The following VPS13D variants were observed in gnomAD, a reference collection of about 807,000 sequenced individuals.
The protein encoded by VPS13D is vacuolar protein sorting 13 homolog D.
VPS13D carries 187 observed loss-of-function variants against 461.9 expected under a neutral mutation model. The ratio of observed to expected loss-of-function variants is 0.40; its 90% CI spans 0.36 to 0.46. VPS13D has a LOEUF of 0.46. Ranked by LOEUF, VPS13D falls within the 20% of genes least tolerant of loss-of-function variation. The pLI is 0.60. For synonymous variants in VPS13D, 1,951 were observed against 1,986.3 expected, an observed-to-expected ratio of 0.98 and a Z score of 0.47; for missense variants, 4,711 against 5,364.9, an observed-to-expected ratio of 0.88 and a Z score of 3.81.
In VPS13D at chr1:12,277,573, C is replaced by T. The variant is rs1641651894; in HGVS notation, c.3985C>T (p.Leu1329=). 1 of 1,613,984 alleles carries T rather than the reference C, an allele frequency of 6.2e-7. No homozygotes were observed. The highest frequency in any genetic ancestry group is 8.5e-7 in the Non-Finnish European group (1 of 1,180,022). ...CGCAGCCACCAAAGTCACCACAGTA[C>T]TAGCTACCAAGACTGCCGAGTATAG... The part of the protein sequence containing the change: ...KSAATKVTTV[L]ATKTAEYSEM... The change falls in exon 19 of 70, where the codon CTA becomes TTA. Residue 1329 remains leucine (L), a synonymous_variant. Coordinates refer to ENST00000620676, the MANE Select transcript of VPS13D (RefSeq NM_015378.4).
intron 2 of VPS13D, among the ~76,000 whole-genome samples, chr1:12,236,093 T>C (rs1640138549): frequency 1.3e-5 from 2 of 152,250 alleles, no homozygotes; most frequent in African/African-American, 4.8e-5. Context: ...TTTTCTGCCC[T>C]TATTTCCTTT....
intron 65 of VPS13D, among the ~76,000 whole-genome samples, chr1:12,435,380 GAGCCT>G (rs1645046665): frequency 6.6e-6 from 1 of 152,098 alleles, no homozygotes; most frequent in South Asian, 2.1e-4. Flanking sequence ...AGGATCATCC[GAGCCT>G]AGGAAGTTGA....
intron 60 of VPS13D, among the ~76,000 whole-genome samples, chr1:12,394,327 T>G (rs1644467544): frequency 6.6e-6 from 1 of 152,176 alleles, no homozygotes; most frequent in African/African-American, 2.4e-5. Context: ...CCTATTAATT[T>G]CGCTTCTAGG....
intron 6 of VPS13D, among the ~76,000 whole-genome samples, chr1:12,251,129 C>T (rs1319863892): frequency 8.0e-5 from 12 of 149,484 alleles, no homozygotes; most frequent in Non-Finnish European, 5.9e-5. Flanking sequence ...GTGTTGTCCA[C>T]GGTGGAGTAG....
chr1:12,263,064 A>T (rs1353602852), intron 13 of VPS13D, among the ~76,000 whole-genome samples: 1 of 152,078 alleles, frequency 6.6e-6, no homozygotes, highest in Non-Finnish European at 1.5e-5. Flanking sequence ...GTCAAGGAGC[A>T]TTGTGTTATT....
chr1:12,344,194 T>A (rs1340828186), intron 42 of VPS13D, among the ~76,000 whole-genome samples: 2 of 152,206 alleles, frequency 1.3e-5, no homozygotes, highest in Non-Finnish European at 2.9e-5. Context: ...AGGTTAAGAT[T>A]TAGTATTTGA....
At chr1:12,478,905 G>C in intron 67 of VPS13D, 1 of 455,422 alleles carries the variant, frequency 2.2e-6, no homozygotes, top group Non-Finnish European at 4.4e-6. Flanking sequence ...GAGTGCTCTT[G>C]TCAAGCTTGG....
chr1:12,272,434 T>C (rs1011518162), intron 17 of VPS13D, among the ~76,000 whole-genome samples: 3 of 151,376 alleles, frequency 2.0e-5, no homozygotes, highest in African/African-American at 7.3e-5. Context: ...TGTGTGTTTC[T>C]ACATAAAGTA....
chr1:12,295,559 T>A (rs1387127547), intron 24 of VPS13D, among the ~76,000 whole-genome samples: 4 of 152,244 alleles, frequency 2.6e-5, no homozygotes, highest in Admixed American at 2.6e-4. Flanking sequence ...CTAGTATCTC[T>A]GCACTATAGC....
At chr1:12,352,810 A>G (rs904029669) in intron 46 of VPS13D, among the ~76,000 whole-genome samples, 4 of 151,886 alleles carry the variant, frequency 2.6e-5, no homozygotes, top group Admixed American at 1.3e-4. Flanking sequence ...CTAAAAATAC[A>G]ACAAATTAGC....
At chr1:12,422,651 A>G (rs191051118) in intron 65 of VPS13D, among the ~76,000 whole-genome samples, 15 of 152,322 alleles carry the variant, frequency 9.8e-5, no homozygotes, top group African/African-American at 3.4e-4. Context: ...TGGAATACAT[A>G]CTAATGTATA....
chr1:12,356,303 T>G, intron 48 of VPS13D, 95 bp from the exon 49 acceptor site: 1 of 1,475,070 alleles, frequency 6.8e-7, no homozygotes, highest in Non-Finnish European at 9.1e-7. Flanking sequence ...CAGTTTTCAC[T>G]CTTTTCCCGC....
intron 43 of VPS13D, among the ~76,000 whole-genome samples, chr1:12,346,020 C>T (rs1454725303): frequency 6.6e-6 from 1 of 152,142 alleles, no homozygotes; most frequent in Non-Finnish European, 1.5e-5. Flanking sequence ...GGAAATGATG[C>T]AGGTGGCATC....
At position 12,369,003 on chromosome 1, in the gene VPS13D, G is replaced by T. The variant is rs528913252; in HGVS notation, c.10572+412G>T. Among the ~76,000 whole-genome samples, 5 of 152,238 alleles carry T rather than the reference G, an allele frequency of 3.3e-5. No individual in the cohort carries two copies. In the South Asian group the frequency reaches 1.0e-3, roughly 32 times the overall value. On this transcript the variant is annotated intron_variant, in intron 53 of 69. Coordinates refer to ENST00000620676, the MANE Select transcript of VPS13D (RefSeq NM_015378.4). Reference sequence around the variant, plus strand: ...AAGAAAGTCAATATGGAAATCATTAGATTTTATTTTAATTATGCTTTCAAA... The same window carrying T: ...AAGAAAGTCAATATGGAAATCATTATATTTTATTTTAATTATGCTTTCAAA...
chr1:12,380,661 G>A (rs1360907466), intron 57 of VPS13D, among the ~76,000 whole-genome samples: 1 of 152,230 alleles, frequency 6.6e-6, no homozygotes. Context: ...GCAATTGTGT[G>A]TGCAGTTCTG....
chr1:12,506,785 A>G, intron 68 of VPS13D, 68 bp from the exon 69 acceptor site: 2 of 1,570,874 alleles, frequency 1.3e-6, no homozygotes, highest in Non-Finnish European at 1.7e-6. Flanking sequence ...CAGAGCCCGC[A>G]GTGGGCCTCC....
chr1:12,465,107 T>G (rs890408200), intron 67 of VPS13D: 4 of 152,238 alleles, frequency 2.6e-5, no homozygotes, highest in Admixed American at 2.6e-4. Context: ...AGTAGAAAGT[T>G]GCAGAGACCC....
At chr1:12,497,775 T>C in intron 68 of VPS13D, 144 bp downstream of exon 68, 2 of 1,117,020 alleles carry the variant, frequency 1.8e-6, no homozygotes, top group African/African-American at 3.2e-5. Context: ...CCCAAATGTT[T>C]TTTAGATTTA....
intron 63 of VPS13D, among the ~76,000 whole-genome samples, chr1:12,414,802 T>C (rs772144475): frequency 2.0e-5 from 3 of 152,202 alleles, no homozygotes; most frequent in Non-Finnish European, 4.4e-5. Flanking sequence ...AAGTAAAACA[T>C]GACAAACAGA....
Sources: allele counts gnomAD v4.1 joint callset (sites outside exome capture counted in the v4.1 genomes callset), GRCh38; gene constraint gnomAD v4.1.1; transcripts MANE v1.5; gene names NCBI Gene and HGNC (gene_info 2026-07-23, HGNC 2026-07-21).